ETFB: variants seen among roughly 807,000 people sequenced by gnomAD.
The protein encoded by ETFB is electron transfer flavoprotein subunit beta.
ETFB carries 20 observed loss-of-function variants against 25.6 expected under a neutral mutation model. The observed-to-expected ratio is 0.78, with a 90% CI of 0.55 to 1.14. The LOEUF (loss-of-function observed/expected upper bound fraction) is 1.14, where lower values mean the gene tolerates loss of function less well. Ranked by LOEUF, ETFB falls within the 50% of genes most tolerant of loss-of-function variation. ETFB has a pLI of 0.00. For synonymous variants in ETFB, 142 were observed against 146.7 expected (o/e 0.97, Z 0.23); for missense variants, 286 against 342.6 (o/e 0.83, Z 1.30).
chr19:51,354,375 C>CA (rs775425395), intron 1 of ETFB, 67 bp from the exon 2 acceptor site: 34 of 1,614,038 alleles, frequency 2.1e-5, no homozygotes, highest in Non-Finnish European at 2.3e-5. Context: ...GCCTCAGCGC[C>CA]AACCCTCTCC....
At position 51,350,401 on chromosome 19, in the gene ETFB, G is replaced by A. The variant is rs1307626623; in HGVS notation, c.376-10C>T. The A allele has an allele frequency of 1.5e-6, 2 of 1,362,588 alleles. No individual in the cohort carries two copies. Among genetic ancestry groups the A allele is most frequent in the Admixed American group, 3.4e-5 (2 of 58,098 alleles). 84.4% of individuals were successfully genotyped at this position (1,362,588 alleles called of 1,614,324 possible). On this transcript the variant is annotated splice_polypyrimidine_tract_variant and intron_variant, in intron 3 of 5. Transcript: ENST00000309244. ...AGTCATCATCGATGGCCTGAATGGG[G>A]AGAGACAGAAGACTGTATGACAATC...
chr19:51,356,215 C>T (rs1417895182), intron 1 of ETFB: 1 of 152,096 alleles, frequency 6.6e-6, no homozygotes, highest in Non-Finnish European at 1.5e-5. Context: ...GCTTATTAAA[C>T]TTTCGCTCCA....
chr19:51,351,341 C>G (rs1194297163), intron 3 of ETFB, among the ~76,000 whole-genome samples: 1 of 152,240 alleles, frequency 6.6e-6, no homozygotes, highest in Admixed American at 6.5e-5. Flanking sequence ...TAGAGGGGAG[C>G]CTACAGCTCA....
Position 51,353,173 on chromosome 19 carries a change from C to T in ETFB, c.334G>A (p.Ala112Thr). The T allele has an allele frequency of 1.2e-6, 2 of 1,614,154 alleles. No individual in the cohort carries two copies. Among genetic ancestry groups the T allele is most frequent in the Non-Finnish European group, 1.7e-6 (2 of 1,180,022 alleles). The change falls in exon 3 of 6, where the codon GCA becomes ACA. Residue 112 changes from alanine to threonine, a missense_variant. Coordinates refer to ENST00000309244, the MANE Select transcript of ETFB (RefSeq NM_001985.3). ...LQVARVLAKL[A>T]EKEKVDLVLL... ...ACCAGGTCCACCTTCTCCTTCTCTG[C>T]CAGCTTGGCCAGGACCCGAGCCACC...
chr19:51,350,467 G>A (rs1985907592), intron 3 of ETFB, 76 bp from the exon 4 acceptor site: 3 of 803,458 alleles, frequency 3.7e-6, no homozygotes, highest in Non-Finnish European at 6.4e-6. Context: ...TCTAGAACAG[G>A]GGTTGGCAAA....
At chr19:51,360,447 C>T (rs1263223311) in intron 1 of ETFB, among the ~76,000 whole-genome samples, 1 of 151,796 alleles carries the variant, frequency 6.6e-6, no homozygotes, top group Non-Finnish European at 1.5e-5. Context: ...AAAAGCAGCA[C>T]TGACCCATGC....
intron 1 of ETFB, among the ~76,000 whole-genome samples, chr19:51,362,961 G>T (rs1986266955): frequency 6.6e-6 from 1 of 152,192 alleles, no homozygotes. Context: ...GGCTCTCAGA[G>T]GGTGCCCCTG....
chr19:51,349,443 G>T (rs1176702565), intron 4 of ETFB, among the ~76,000 whole-genome samples: 8 of 116,708 alleles, frequency 6.9e-5, no homozygotes, highest in South Asian at 2.7e-4. Context: ...TATGTGCCTT[G>T]CTTCTTTTTT....
intron 1 of ETFB, among the ~76,000 whole-genome samples, chr19:51,364,072 G>A (rs1360482017): frequency 6.6e-6 from 1 of 152,144 alleles, no homozygotes; most frequent in Non-Finnish European, 1.5e-5. Context: ...AGCAGGGTGA[G>A]CTCTGGGTGC....
chr19:51,348,759 G>A (rs1985860698), intron 4 of ETFB, among the ~76,000 whole-genome samples: 1 of 152,050 alleles, frequency 6.6e-6, no homozygotes, highest in Non-Finnish European at 1.5e-5. Context: ...TGGAAATGCA[G>A]TTACTAGAAA....
At chr19:51,352,977 C>T (rs1468304701) in intron 3 of ETFB, among the ~76,000 whole-genome samples, 155 bp downstream of exon 3, 1 of 152,208 alleles carries the variant, frequency 6.6e-6, no homozygotes. Context: ...CCTGCTCAAA[C>T]TCTCTGTCAG....
intron 1 of ETFB, among the ~76,000 whole-genome samples, chr19:51,362,142 TACACACAGCCGGACACACATACACACAC>T (rs963765282): frequency 8.1e-6 from 1 of 124,042 alleles, no homozygotes; most frequent in Non-Finnish European, 1.7e-5. Flanking sequence ...CCCAGAAACA[TACACACAGCCGGACACACATACACACAC>T]ACACACACAC....
chr19:51,363,065 C>T (rs10411180), intron 1 of ETFB, among the ~76,000 whole-genome samples: 71,168 of 151,856 alleles, frequency 0.47, 17,284 homozygotes, highest in Non-Finnish European at 0.51. Context: ...ACTTTCCTCT[C>T]CCTTTCTAGT....
chr19:51,361,598 G>A (rs1671758162), intron 1 of ETFB: 2 of 152,054 alleles, frequency 1.3e-5, no homozygotes, highest in African/African-American at 4.8e-5. Flanking sequence ...GCCCCGAGAT[G>A]GAAACACGTT....
At chr19:51,365,686 C>G (rs1452349679) in intron 1 of ETFB, 1 of 163,712 alleles carries the variant, frequency 6.1e-6, no homozygotes, top group African/African-American at 2.4e-5. Flanking sequence ...GAGCTACCCC[C>G]AGCTCAGTCA....
chr19:51,358,274 G>C (rs1287197148), intron 1 of ETFB, among the ~76,000 whole-genome samples: 1 of 152,120 alleles, frequency 6.6e-6, no homozygotes, highest in Non-Finnish European at 1.5e-5. Flanking sequence ...GGGTGTAACT[G>C]TTCCTCCCAC....
intron 1 of ETFB, chr19:51,354,965 A>C: frequency 3.0e-6 from 1 of 328,876 alleles, no homozygotes; most frequent in Non-Finnish European, 5.8e-6. Flanking sequence ...GGTTACAGAA[A>C]CAAGAGAAGC....
intron 3 of ETFB, 131 bp downstream of exon 3, chr19:51,353,001 G>T: frequency 1.8e-6 from 2 of 1,126,888 alleles, no homozygotes; most frequent in Non-Finnish European, 2.7e-6. Context: ...GGTCAGCAAA[G>T]TCCCAAGCTG....
chr19:51,348,719 CAAAA>C (rs869170056), intron 4 of ETFB, among the ~76,000 whole-genome samples: 4 of 132,350 alleles, frequency 3.0e-5, no homozygotes, highest in African/African-American at 5.6e-5. Context: ...AACAAACAAA[CAAAA>C]AAACACAGAT....
Sources: allele counts gnomAD v4.1 joint callset (sites outside exome capture counted in the v4.1 genomes callset), GRCh38; gene constraint gnomAD v4.1.1; transcripts MANE v1.5; gene names NCBI Gene and HGNC (gene_info 2026-07-23, HGNC 2026-07-21).